The following ANK3 variants were observed in gnomAD, a reference collection of about 807,000 sequenced individuals.
The protein encoded by ANK3 is ankyrin 3.
ANK3 carries 57 observed loss-of-function variants against 370.9 expected under a neutral mutation model. The observed-to-expected ratio is 0.15, with a 90% CI of 0.12 to 0.19. The LOEUF is 0.19. ANK3 is among the 10% of genes least tolerant of loss of function. ANK3 has a pLI of 1.00. For missense variants in ANK3, 4,439 were observed against 5,302.1 expected, an observed-to-expected ratio of 0.84 and a Z score of 5.06; for synonymous variants, 1,929 against 1,946.3, an observed-to-expected ratio of 0.99 and a Z score of 0.23.
intron 23 of ANK3, chr10:60,144,251 C>T (rs1265871802): frequency 4.7e-6 from 2 of 429,682 alleles, no homozygotes; most frequent in Admixed American, 2.7e-5. Context: ...ATGACAAGGT[C>T]CAAAGGTAAA....
chr10:60,404,074 T>C (rs558692817), intron 2 of ANK3, among the ~76,000 whole-genome samples: 24 of 152,288 alleles, frequency 1.6e-4, no homozygotes, highest in African/African-American at 5.5e-4. Flanking sequence ...TTGTGAACTA[T>C]AATCATTGCT....
intron 41 of ANK3, among the ~76,000 whole-genome samples, chr10:60,058,946 G>A (rs918265259): frequency 6.6e-6 from 1 of 152,102 alleles, no homozygotes; most frequent in Non-Finnish European, 1.5e-5. Context: ...GTAAAGATGA[G>A]GTTTCACCAT....
chr10:60,615,246 C>T (rs2078252303), intron 1 of ANK3: 2 of 1,500,444 alleles, frequency 1.3e-6, no homozygotes, highest in Non-Finnish European at 8.9e-7. Context: ...AAGAAACAAA[C>T]ATTTAGCAAA....
At chr10:60,235,808 T>C (rs2097323869) in intron 7 of ANK3, among the ~76,000 whole-genome samples, 1 of 152,182 alleles carries the variant, frequency 6.6e-6, no homozygotes, top group Non-Finnish European at 1.5e-5. Flanking sequence ...TATAATTCGA[T>C]AACAGAAACA....
chr10:60,543,061 A>G (rs1164785227), intron 2 of ANK3, among the ~76,000 whole-genome samples: 1 of 152,000 alleles, frequency 6.6e-6, no homozygotes, highest in East Asian at 1.9e-4. Flanking sequence ...TGCTATCTAT[A>G]TTACTTAGAA....
chr10:60,243,591 T>C (rs965586618), intron 7 of ANK3, among the ~76,000 whole-genome samples: 7 of 152,108 alleles, frequency 4.6e-5, no homozygotes, highest in African/African-American at 1.7e-4. Context: ...CAACAAAAAA[T>C]GGACTAAGAC....
chr10:60,216,654 G>A (rs1344342486), intron 8 of ANK3, among the ~76,000 whole-genome samples: 3 of 152,134 alleles, frequency 2.0e-5, no homozygotes, highest in Non-Finnish European at 2.9e-5. Context: ...ATGTGCTGCT[G>A]GTTTCGGTTT....
chr10:60,336,757 C>T (rs1308985180), intron 1 of ANK3, among the ~76,000 whole-genome samples: 1 of 152,166 alleles, frequency 6.6e-6, no homozygotes, highest in Non-Finnish European at 1.5e-5. Flanking sequence ...CCAGATGATG[C>T]TTTTAACTAG....
Position 60,169,388 on chromosome 10 carries a change from TA to T in ANK3, c.2479-2493del, listed in dbSNP as rs2095717232. Among the ~76,000 whole-genome samples, 12 of 149,892 alleles carry T rather than the reference TA, an allele frequency of 8.0e-5. No individual in the cohort carries two copies. The South Asian group carries it at 2.5e-3, about 32-fold the overall frequency. The stretch of plus-strand genomic sequence containing the variant: ...AGTTTTTTTTTTTTTTTTTTTTTTT[TA>T]ATAGACTGGGGCTGTATGTTTTACG... On this transcript the variant is annotated intron_variant, in intron 21 of 43. Transcript: ENST00000280772.
chr10:60,110,968 G>A (rs941713696), intron 26 of ANK3, among the ~76,000 whole-genome samples: 62 of 152,256 alleles, frequency 4.1e-4, no homozygotes, highest in African/African-American at 1.5e-3. Context: ...GATTGGGTCT[G>A]TCTTGTTCAC....
intron 2 of ANK3, among the ~76,000 whole-genome samples, chr10:60,523,437 G>C: frequency 7.9e-6 from 1 of 126,302 alleles, no homozygotes; most frequent in Non-Finnish European, 1.5e-5. Flanking sequence ...TCCCCTTCTT[G>C]TGTCCATGTG....
chr10:60,542,015 T>G (rs2076860054), intron 2 of ANK3, among the ~76,000 whole-genome samples: 1 of 151,904 alleles, frequency 6.6e-6, no homozygotes, highest in Non-Finnish European at 1.5e-5. Context: ...GCTCTTAATT[T>G]GTAAACTAAT....
Position 60,245,767 on chromosome 10 carries a change from T to C in ANK3, c.799-10981A>G, listed in dbSNP as rs570806769. Reference sequence around the variant, plus strand: ...CAATGATAACTTCCAATGATAAGGATTTGAGATTTCAAGGATATACTCAGG... The same window carrying C: ...CAATGATAACTTCCAATGATAAGGACTTGAGATTTCAAGGATATACTCAGG... On this transcript the variant is annotated intron_variant, in intron 7 of 43. Coordinates refer to ENST00000280772, the MANE Select transcript of ANK3 (RefSeq NM_020987.5). Among the ~76,000 whole-genome samples, 4 of 152,324 alleles carry C rather than the reference T, an allele frequency of 2.6e-5. No individual in the cohort carries two copies. The South Asian group carries it at 8.3e-4, about 32-fold the overall frequency.
intron 1 of ANK3, among the ~76,000 whole-genome samples, chr10:60,346,016 A>T (rs1249484169): frequency 6.6e-6 from 1 of 152,154 alleles, no homozygotes; most frequent in Non-Finnish European, 1.5e-5. Flanking sequence ...GGGAAAAGGT[A>T]GATTATTCAT....
At chr10:60,040,555 C>T (rs1193578088) in intron 43 of ANK3, among the ~76,000 whole-genome samples, 2 of 152,196 alleles carry the variant, frequency 1.3e-5, no homozygotes, top group African/African-American at 4.8e-5. Flanking sequence ...AACGTTCTCT[C>T]TCCTTTGAGT....
intron 2 of ANK3, among the ~76,000 whole-genome samples, chr10:60,401,302 C>T (rs1477973240): frequency 6.6e-6 from 1 of 152,146 alleles, no homozygotes; most frequent in African/African-American, 2.4e-5. Flanking sequence ...TAGAGACTTG[C>T]TGTATATCTT....
intron 1 of ANK3, among the ~76,000 whole-genome samples, chr10:60,681,819 A>C (rs919104593): frequency 5.9e-5 from 9 of 152,208 alleles, no homozygotes; most frequent in Admixed American, 1.3e-4. Context: ...AGATGGTTAA[A>C]AGACAGAGAA....
At chr10:60,523,654 G>T (rs1299436348) in intron 2 of ANK3, among the ~76,000 whole-genome samples, 1 of 151,832 alleles carries the variant, frequency 6.6e-6, no homozygotes. Context: ...TTGGACATTT[G>T]GGTTGGTTCC....
chr10:60,572,975 C>A (rs553075814), intron 2 of ANK3: 2 of 988,252 alleles, frequency 2.0e-6, no homozygotes, highest in Non-Finnish European at 2.4e-6. Flanking sequence ...GTCTCCGAAG[C>A]CTTCCCAGGG....
Sources: allele counts gnomAD v4.1 joint callset (sites outside exome capture counted in the v4.1 genomes callset), GRCh38; gene constraint gnomAD v4.1.1; transcripts MANE v1.5; gene names NCBI Gene and HGNC (gene_info 2026-07-23, HGNC 2026-07-21).